PHACTR3: variants seen among roughly 807,000 people sequenced by gnomAD.
The protein encoded by PHACTR3 is protein phosphatase 1, regulatory subunit 123.
PHACTR3 carries 16 observed loss-of-function variants against 66.8 expected under a neutral mutation model. That is an observed-to-expected ratio of 0.24 (90% CI 0.16 to 0.36). PHACTR3 has a LOEUF of 0.36. Ranked by LOEUF, PHACTR3 falls within the 10% of genes least tolerant of loss-of-function variation. The probability of loss-of-function intolerance (pLI) is 1.00; values close to 1 mark genes in which losing one functional copy is unlikely to be tolerated. For synonymous variants in PHACTR3, 323 were observed against 292.1 expected, an observed-to-expected ratio of 1.11 and a Z score of -1.08; for missense variants, 647 against 719.9, an observed-to-expected ratio of 0.90 and a Z score of 1.16.
intron 7 of PHACTR3, among the ~76,000 whole-genome samples, chr20:59,781,600 T>C (rs1408290373): frequency 2.0e-5 from 3 of 152,192 alleles, no homozygotes; most frequent in Non-Finnish European, 4.4e-5. Flanking sequence ...TCTGAGGGTG[T>C]GTCCCAGCGG....
intron 7 of PHACTR3, among the ~76,000 whole-genome samples, chr20:59,785,861 G>GCCCTGCATCCC (rs1568820568): frequency 2.7e-4 from 8 of 30,180 alleles, no homozygotes; most frequent in Middle Eastern, 0.017. Context: ...TGCATCCCCT[G>GCCCTGCATCCC]CTTCTGCATC....
At chr20:59,811,386 C>T (rs745422181) in intron 8 of PHACTR3, among the ~76,000 whole-genome samples, 5 of 152,162 alleles carry the variant, frequency 3.3e-5, no homozygotes, top group African/African-American at 4.8e-5. Flanking sequence ...TGGCCGGGTC[C>T]GGTGGCTCAT....
chr20:59,650,883 T>C (rs1057361969), intron 1 of PHACTR3, among the ~76,000 whole-genome samples: 1 of 152,168 alleles, frequency 6.6e-6, no homozygotes, highest in Non-Finnish European at 1.5e-5. Context: ...GGTTGGGGGC[T>C]ATGATAGGGC....
At chr20:59,611,147 CT>C (rs1423618857) in intron 1 of PHACTR3, among the ~76,000 whole-genome samples, 2 of 152,224 alleles carry the variant, frequency 1.3e-5, no homozygotes, top group Admixed American at 6.5e-5. Context: ...GTCACTTTAC[CT>C]CTCTGAATCT....
chr20:59,833,406 TC>T (rs2042443154), intron 8 of PHACTR3, among the ~76,000 whole-genome samples: 1 of 152,240 alleles, frequency 6.6e-6, no homozygotes, highest in African/African-American at 2.4e-5. Flanking sequence ...AGCTGGCAAG[TC>T]ACAGGTTGGG....
At chr20:59,698,117 A>G (rs982527137) in intron 1 of PHACTR3, among the ~76,000 whole-genome samples, 2 of 152,250 alleles carry the variant, frequency 1.3e-5, no homozygotes, top group Non-Finnish European at 2.9e-5. Flanking sequence ...AGGGGACTGA[A>G]TACATCAAAT....
Position 59,830,975 on chromosome 20 carries a change from G to A in PHACTR3, c.1329-5530G>A, listed in dbSNP as rs1430372295. On this transcript the variant is annotated intron_variant, in intron 8 of 12. Coordinates refer to ENST00000371015, the MANE Select transcript of PHACTR3 (RefSeq NM_080672.5). The surrounding 1 kb of genome is among the most constrained non-coding windows in gnomAD (Gnocchi z 5.8). ...TGGAGCCTCTCCAGGCGTCCTGACT[G>A]TCCAGGCTGTCGGCGGTCTCATCAG... 6.6e-6 allele frequency among the ~76,000 whole-genome samples: 1 copy of A among 152,122 alleles called. No homozygotes were observed. Among genetic ancestry groups the A allele is most frequent in the Non-Finnish European group, 1.5e-5 (1 of 68,004 alleles).
intron 1 of PHACTR3, among the ~76,000 whole-genome samples, chr20:59,618,585 G>A (rs957294327): frequency 6.6e-6 from 1 of 152,222 alleles, no homozygotes; most frequent in Non-Finnish European, 1.5e-5. Context: ...TCTCAGCTTG[G>A]AAGGGAAGGG....
chr20:59,727,083 A>G (rs1197970267), intron 1 of PHACTR3, among the ~76,000 whole-genome samples: 3 of 152,048 alleles, frequency 2.0e-5, no homozygotes, highest in African/African-American at 7.2e-5. Flanking sequence ...GATACTCCTC[A>G]TTCTCCCCTC....
rs534258188 is a variant in PHACTR3, at chr20:59,812,460, C to CA, written c.1328+6266_1328+6267insA. Among the ~76,000 whole-genome samples the CA allele has an allele frequency of 7.2e-5, 11 of 152,294 alleles. No homozygotes were observed. The East Asian group carries it at 2.1e-3, about 29-fold the overall frequency. On this transcript the variant is annotated intron_variant, in intron 8 of 12. Coordinates refer to ENST00000371015, the MANE Select transcript of PHACTR3 (RefSeq NM_080672.5). ...CTCTGTCTGCAGGAGCAGGACACAG[C>CA]GTGCAGCGAGTTTAGACGCTCCCTC...
intron 1 of PHACTR3, among the ~76,000 whole-genome samples, chr20:59,712,504 G>T (rs1261727774): frequency 6.6e-6 from 1 of 152,014 alleles, no homozygotes; most frequent in Admixed American, 6.6e-5. Flanking sequence ...CCATAACTTT[G>T]CACACTCTCG....
intron 1 of PHACTR3, among the ~76,000 whole-genome samples, chr20:59,740,066 T>C (rs2146754625): frequency 6.6e-6 from 1 of 152,278 alleles, no homozygotes; most frequent in South Asian, 2.1e-4. Context: ...TGCCTTAGGA[T>C]AGTCCTGGCC....
chr20:59,678,055 GCT>G (rs1287866399), intron 1 of PHACTR3, among the ~76,000 whole-genome samples: 3 of 152,260 alleles, frequency 2.0e-5, no homozygotes, highest in Middle Eastern at 3.4e-3. Context: ...ATGAAAATGC[GCT>G]CTTTCTTCCC....
chr20:59,612,987 C>T (rs1427603701), intron 1 of PHACTR3, among the ~76,000 whole-genome samples: 1 of 152,006 alleles, frequency 6.6e-6, no homozygotes, highest in Non-Finnish European at 1.5e-5. Context: ...ACAACCAGAT[C>T]TTTTATGAAC....
chr20:59,769,480 C>G (rs143801621), intron 5 of PHACTR3, among the ~76,000 whole-genome samples: 1,929 of 152,324 alleles, frequency 0.013, 49 homozygotes, highest in African/African-American at 0.043. Context: ...ATCTCCCTCA[C>G]AGCCTCAGAA....
intron 8 of PHACTR3, among the ~76,000 whole-genome samples, chr20:59,821,882 T>C (rs576938362): frequency 3.2e-3 from 479 of 151,716 alleles, no homozygotes; most frequent in African/African-American, 9.9e-3. Flanking sequence ...TGGCAGGAAG[T>C]TGAGGAGGAG....
chr20:59,746,736 A>T (rs1275130083), intron 2 of PHACTR3, among the ~76,000 whole-genome samples: 1 of 152,222 alleles, frequency 6.6e-6, no homozygotes, highest in Non-Finnish European at 1.5e-5. Flanking sequence ...GCACACACAG[A>T]ACACTGATGG....
chr20:59,588,658 G>T (rs1429609252), intron 1 of PHACTR3, among the ~76,000 whole-genome samples: 1 of 152,070 alleles, frequency 6.6e-6, no homozygotes, highest in African/African-American at 2.4e-5. Flanking sequence ...CTCACCCCTG[G>T]CTGCTTCTCA....
chr20:59,674,695 G>A (rs1263358381), intron 1 of PHACTR3, among the ~76,000 whole-genome samples: 3 of 33,254 alleles, frequency 9.0e-5, no homozygotes, highest in Admixed American at 4.4e-4. Context: ...TCCTGTTCCT[G>A]CCTTCTCCTG....
Sources: gnomAD v4.1 joint callset for allele counts (sites outside exome capture counted in the v4.1 genomes callset) on GRCh38, gnomAD v4.1.1 for gene constraint, Gnocchi (gnomAD v3.1) non-coding constraint, MANE v1.5 for transcripts, NCBI Gene and HGNC (gene_info 2026-07-23, HGNC 2026-07-21) for gene names.